Variants in ZPBP observed in about 807,000 individuals in gnomAD.
ZPBP encodes the protein zona pellucida binding protein.
In ZPBP, 26 loss-of-function variants were observed where a neutral mutation model predicts 44.8. That is an observed-to-expected ratio of 0.58 (90% CI 0.43 to 0.81). ZPBP has a LOEUF of 0.81. Among genes scored for constraint, ZPBP ranks in the 30% least tolerant of loss-of-function variants. The pLI is 0.00. For missense variants in ZPBP, 409 were observed against 434.0 expected, an observed-to-expected ratio of 0.94 and a Z score of 0.51; for synonymous variants, 174 against 153.2, an observed-to-expected ratio of 1.14 and a Z score of -1.00.
chr7:49,916,604 T>C (rs1413642112), intron 1 of ZPBP: 5 of 152,220 alleles, frequency 3.3e-5, no homozygotes, highest in African/African-American at 1.2e-4. Flanking sequence ...TCCCTTTAGT[T>C]TGGGCTGTGA....
chr7:50,092,850 G>A, intron 1 of ZPBP: 1 of 602,674 alleles, frequency 1.7e-6, no homozygotes, highest in Admixed American at 4.1e-5. Context: ...GTGACGTAGT[G>A]ATCCATCTAT....
At chr7:49,905,632 T>C (rs117061327) in intron 1 of ZPBP, among the ~76,000 whole-genome samples, 1,879 of 152,286 alleles carry the variant, frequency 0.012, 19 homozygotes, top group Non-Finnish European at 0.018. Context: ...AAAATTACTG[T>C]CTAATGGAGA....
At chr7:49,908,623 C>T (rs1324070911) in intron 1 of ZPBP, among the ~76,000 whole-genome samples, 3 of 151,474 alleles carry the variant, frequency 2.0e-5, no homozygotes, top group Non-Finnish European at 2.9e-5. Context: ...AAGGGCCACC[C>T]CAGTCAGTAT....
intron 7 of ZPBP, among the ~76,000 whole-genome samples, chr7:49,967,817 C>A (rs1254875200): frequency 6.6e-6 from 1 of 152,174 alleles, no homozygotes; most frequent in African/African-American, 2.4e-5. Flanking sequence ...AAGGCATGAG[C>A]CACGGTGCCT....
chr7:50,056,826 G>C (rs1800958075), intron 4 of ZPBP, among the ~76,000 whole-genome samples: 1 of 152,136 alleles, frequency 6.6e-6, no homozygotes, highest in Admixed American at 6.6e-5. Context: ...GGGGCACAGA[G>C]GGAGATGGGG....
downstream of ZPBP, among the ~76,000 whole-genome samples, chr7:49,849,630 T>C (rs1790094628): frequency 6.6e-6 from 1 of 152,256 alleles, no homozygotes; most frequent in Admixed American, 6.5e-5. Context: ...TGTGAGAACA[T>C]GCACCATTAG....
chr7:49,999,532 C>G (rs1798003656), intron 6 of ZPBP, among the ~76,000 whole-genome samples: 1 of 152,038 alleles, frequency 6.6e-6, no homozygotes, highest in Non-Finnish European at 1.5e-5. Context: ...CATCTGCAAG[C>G]TGGAGAACCA....
At chr7:50,035,759 G>A (rs1418056845) in intron 4 of ZPBP, among the ~76,000 whole-genome samples, 1 of 144,528 alleles carries the variant, frequency 6.9e-6, no homozygotes, top group East Asian at 3.1e-4. Flanking sequence ...TTTGTTGGTG[G>A]TAAGGATACA....
intron 1 of ZPBP, among the ~76,000 whole-genome samples, chr7:49,925,554 A>G (rs1405757456): frequency 6.6e-6 from 1 of 152,232 alleles, no homozygotes. Context: ...AAAGATGGCC[A>G]ATGCCAATCA....
intron 6 of ZPBP, among the ~76,000 whole-genome samples, chr7:50,006,806 A>G (rs1798332600): frequency 6.6e-6 from 1 of 152,062 alleles, no homozygotes; most frequent in Non-Finnish European, 1.5e-5. Context: ...ACGTTTAGCT[A>G]GATTACCTAA....
chr7:50,035,227 TTTTGA>T (rs1489739417), intron 4 of ZPBP, among the ~76,000 whole-genome samples: 1 of 152,190 alleles, frequency 6.6e-6, no homozygotes, highest in Non-Finnish European at 1.5e-5. Flanking sequence ...TCGGAGATAC[TTTTGA>T]TTTGAGGCCT....
At chr7:50,006,260 A>G (rs1261894028) in intron 6 of ZPBP, among the ~76,000 whole-genome samples, 1 of 152,054 alleles carries the variant, frequency 6.6e-6, no homozygotes, top group Admixed American at 6.6e-5. Flanking sequence ...GAACAATACC[A>G]TAGATCAACA....
chr7:49,965,002 C>A lies in ZPBP; in HGVS notation c.961+18340G>T, dbSNP rs560925107. Among the ~76,000 whole-genome samples, 10 of 152,220 alleles carry A rather than the reference C, an allele frequency of 6.6e-5. No homozygotes were observed. The South Asian group carries it at 1.2e-3, about 19-fold the overall frequency. On this transcript the variant is annotated intron_variant, in intron 7 of 7. Transcript: ENST00000046087. Reference sequence around the variant, plus strand: ...GAGAATAGTCCATGCTCCCATCAGTCAGTCTTGAAAACACCAAGAATGACA... The same window carrying A: ...GAGAATAGTCCATGCTCCCATCAGTAAGTCTTGAAAACACCAAGAATGACA...
chr7:50,057,080 G>A (rs916437398), intron 4 of ZPBP, among the ~76,000 whole-genome samples: 1 of 151,828 alleles, frequency 6.6e-6, no homozygotes, highest in Non-Finnish European at 1.5e-5. Flanking sequence ...AGCTAGTCGG[G>A]AAGCTGAGGC....
intron 4 of ZPBP, among the ~76,000 whole-genome samples, chr7:50,047,503 T>C (rs969681906): frequency 1.3e-5 from 2 of 152,018 alleles, no homozygotes; most frequent in Admixed American, 6.6e-5. Flanking sequence ...TGCTGGTCTA[T>C]GGACACAGTA....
downstream of ZPBP, among the ~76,000 whole-genome samples, chr7:49,933,939 T>C (rs113701473): frequency 0.017 from 2,561 of 149,560 alleles, 101 homozygotes; most frequent in African/African-American, 0.06. Flanking sequence ...CATTAGGAGA[T>C]ATACCTAATA....
At chr7:49,974,565 CA>C (rs923558738) in intron 7 of ZPBP, among the ~76,000 whole-genome samples, 3 of 151,658 alleles carry the variant, frequency 2.0e-5, no homozygotes, top group Non-Finnish European at 4.4e-5. Flanking sequence ...TCCATAATGG[CA>C]AAAAAACCAA....
In ZPBP at chr7:49,922,126, CTT is replaced by C. The variant is rs149664714; in HGVS notation, n.411+13623_411+13624del. ...CCTTGAGGCTCACTCAAATATGTAACTTTTATTTCTCTTATTTAATGAAAGAT... is the reference window on the plus strand; with the variant it reads ...CCTTGAGGCTCACTCAAATATGTAACTTATTTCTCTTATTTAATGAAAGAT... On this transcript the variant is annotated intron_variant and non_coding_transcript_variant, in intron 1 of 2. Coordinates refer to the ZPBP transcript ENST00000465922. Among the ~76,000 whole-genome samples the C allele has an allele frequency of 3.5e-3, 536 of 152,118 alleles. 5 individuals are homozygous for C. Among genetic ancestry groups the C allele is most frequent in the Non-Finnish European group, 2.9e-3 (199 of 67,988 alleles).
At chr7:49,966,540 C>T (rs537217460) in intron 7 of ZPBP, among the ~76,000 whole-genome samples, 3 of 152,194 alleles carry the variant, frequency 2.0e-5, no homozygotes, top group East Asian at 1.9e-4. Flanking sequence ...ACAGAAATCT[C>T]GGGAAATCCC....
Sources: gnomAD v4.1 joint callset for allele counts (sites outside exome capture counted in the v4.1 genomes callset) on GRCh38, gnomAD v4.1.1 for gene constraint, MANE v1.5 for transcripts, NCBI Gene and HGNC (gene_info 2026-07-23, HGNC 2026-07-21) for gene names.